Variants in MITD1 observed in about 807,000 individuals in gnomAD.
The protein encoded by MITD1 is MIT domain-containing protein 1.
In MITD1, 24 loss-of-function variants were observed where a neutral mutation model predicts 34.9. The observed-to-expected ratio is 0.69, with a 90% CI of 0.50 to 0.97. The LOEUF (loss-of-function observed/expected upper bound fraction) is 0.97, where lower values mean the gene tolerates loss of function less well. Among genes scored for constraint, MITD1 ranks in the 50% least tolerant of loss-of-function variants. The pLI is 0.00. For missense variants in MITD1, 266 were observed against 294.6 expected, an observed-to-expected ratio of 0.90 and a Z score of 0.71; for synonymous variants, 102 against 101.4, an observed-to-expected ratio of 1.01 and a Z score of -0.04.
At chr2:99,165,560 A>G (rs1305418696), downstream of MITD1, among the ~76,000 whole-genome samples, 1 of 152,208 alleles carries the variant, frequency 6.6e-6, no homozygotes, top group East Asian at 1.9e-4. Flanking sequence ...GACCGCATAT[A>G]AATAGTATTT....
chr2:99,168,218 C>T (rs1363624871), downstream of MITD1, among the ~76,000 whole-genome samples: 49 of 152,074 alleles, frequency 3.2e-4, no homozygotes, highest in Admixed American at 2.9e-3. Context: ...CTCCGCTCAC[C>T]GCAGCCTCCA....
At chr2:99,171,771 C>T (rs576202647) in intron 2 of MITD1, 125 bp from the exon 3 acceptor site, 1 of 856,594 alleles carries the variant, frequency 1.2e-6, no homozygotes, top group Non-Finnish European at 1.8e-6. Context: ...TCAGCAAATA[C>T]TTATTGAATG....
At chr2:99,172,575 T>TAAGGTTTTAAAAAAATATGA (rs2093864657) in intron 2 of MITD1, 1 of 151,732 alleles carries the variant, frequency 6.6e-6, no homozygotes, top group Non-Finnish European at 1.5e-5. Flanking sequence ...CAGAAACCTT[T>TAAGGTTTTAAAAAAATATGA]AAGGTTTTAA....
chr2:99,171,689 T>G, intron 2 of MITD1, 43 bp from the exon 3 acceptor site: 1 of 1,570,312 alleles, frequency 6.4e-7, no homozygotes, highest in Non-Finnish European at 8.6e-7. Context: ...TGACCATTTT[T>G]TTTTTACACA....
intron 1 of MITD1, among the ~76,000 whole-genome samples, chr2:99,179,948 T>C (rs959778856): frequency 6.6e-6 from 1 of 152,134 alleles, no homozygotes; most frequent in African/African-American, 2.4e-5. Context: ...ACTTTAATTA[T>C]AAGAAGCTTA....
At chr2:99,165,554 G>A (rs536976060), downstream of MITD1, among the ~76,000 whole-genome samples, 13 of 152,202 alleles carry the variant, frequency 8.5e-5, no homozygotes, top group South Asian at 2.1e-4. Context: ...AGGGCTGACC[G>A]CATATAAATA....
chr2:99,162,865 AG>A, intron 7 of MITD1: 1 of 1,612,712 alleles, frequency 6.2e-7, no homozygotes, highest in Non-Finnish European at 8.5e-7. Context: ...ATAGACATAA[AG>A]AATGGAAGAA....
intron 1 of MITD1, 128 bp from the exon 2 acceptor site, chr2:99,174,144 AAC>A (rs1382582999): frequency 4.6e-5 from 26 of 570,878 alleles, no homozygotes; most frequent in Non-Finnish European, 7.6e-5. Flanking sequence ...TCAGTCCTCA[AAC>A]ACACACAATA....
chr2:99,170,866 C>T (rs2093852633), intron 4 of MITD1: 2 of 346,330 alleles, frequency 5.8e-6, no homozygotes, highest in Non-Finnish European at 1.1e-5. Flanking sequence ...GAACATAACT[C>T]CATCCTGTCT....
chr2:99,175,895 G>A (rs2093884104), intron 1 of MITD1, among the ~76,000 whole-genome samples: 1 of 152,134 alleles, frequency 6.6e-6, no homozygotes, highest in East Asian at 1.9e-4. Context: ...CTTTTGTCAA[G>A]CCCGCATCGC....
Position 99,169,550 on chromosome 2 carries a change from C to T in MITD1, c.654G>A (p.Gln218=), listed in dbSNP as rs2093843947. The change falls in exon 6 of 7, where the codon CAG becomes CAA. Residue 218 remains glutamine, a splice_region_variant and synonymous_variant. Transcript: ENST00000289359. ...ATTTACTCATAAGATTATATCCTAC[C>T]TGTGGTTTCTTAAAATAATCAAGTC... ...GRGLDYFKKP[Q]SRFSLGYCDF... 1 of 1,608,276 alleles carries T rather than the reference C, an allele frequency of 6.2e-7. No individual in the cohort carries two copies. The highest frequency in any genetic ancestry group is 1.3e-5 in the African/African-American group (1 of 74,768).
chr2:99,179,517 GTCA>G (rs1229441624), intron 1 of MITD1, among the ~76,000 whole-genome samples: 1 of 152,180 alleles, frequency 6.6e-6, no homozygotes, highest in East Asian at 1.9e-4. Flanking sequence ...TGTTGTCACT[GTCA>G]TCATTATCAT....
At chr2:99,162,885 T>C in intron 7 of MITD1, 1 of 1,612,950 alleles carries the variant, frequency 6.2e-7, no homozygotes, top group South Asian at 1.1e-5. Flanking sequence ...AATTGAAATT[T>C]GTAATATTGA....
At chr2:99,162,665 T>A (rs2105201535) in intron 7 of MITD1, 1 of 1,614,156 alleles carries the variant, frequency 6.2e-7, no homozygotes, top group Non-Finnish European at 8.5e-7. Flanking sequence ...CAGAGTATGC[T>A]GCTTATCATC....
Position 99,171,448 on chromosome 2 carries a change from GATT to G in MITD1, c.391-22_391-20del. On this transcript the variant is annotated intron_variant, in intron 3 of 6. Coordinates refer to ENST00000289359, the MANE Select transcript of MITD1 (RefSeq NM_138798.3). ...TATACAGCTAAAAGACATTAGAATGGATTATTACTAATTTAGTACATTGAATAT... is the reference window on the plus strand; with the variant it reads ...TATACAGCTAAAAGACATTAGAATGGATTACTAATTTAGTACATTGAATAT... 1.3e-6 allele frequency: 2 copies of G among 1,596,058 alleles called. No individual in the cohort carries two copies. The highest frequency in any genetic ancestry group is 1.7e-6 in the Non-Finnish European group (2 of 1,164,064).
At chr2:99,180,773 A>G in intron 1 of MITD1, 58 bp downstream of exon 1, 1 of 1,453,330 alleles carries the variant, frequency 6.9e-7, no homozygotes, top group South Asian at 1.2e-5. Flanking sequence ...TTCACCCCAG[A>G]CACAGCAGGA....
chr2:99,162,814 A>C, intron 7 of MITD1: 1 of 1,614,150 alleles, frequency 6.2e-7, no homozygotes, highest in Non-Finnish European at 8.5e-7. Context: ...ACTTCCTTTC[A>C]TGTGTTATAT....
chr2:99,166,190 A>T (rs1429320124), downstream of MITD1, among the ~76,000 whole-genome samples: 2 of 138,324 alleles, frequency 1.4e-5, no homozygotes, highest in African/African-American at 2.6e-5. Flanking sequence ...AGTGTGAATT[A>T]AAAAAAAAAA....
chr2:99,170,548 G>A lies in MITD1; in HGVS notation c.582C>T (p.Asp194=). 6.6e-7 allele frequency: 1 copy of A among 1,514,740 alleles called. No homozygotes were observed. Among genetic ancestry groups the A allele is most frequent in the Non-Finnish European group, 9.1e-7 (1 of 1,097,226 alleles). The allele number at this position is 1,514,740 out of a possible 1,614,324, so 93.8% of individuals were successfully genotyped here. A position where few individuals can be genotyped will look rare whatever the true frequency, so the allele number is the denominator to read the frequency against. The change falls in exon 5 of 7, where the codon GAC becomes GAT. Residue 194 remains aspartate (D), a synonymous_variant. Coordinates refer to ENST00000289359, the MANE Select transcript of MITD1 (RefSeq NM_138798.3). ...LEVQYSSSIH[D]REIRFNNGWM... ...TATTGTAGACTAACCTAATTTCTCG[G>A]TCATGTATTGAAGAAGAGTATTGAA...
Sources: gnomAD v4.1 joint callset for allele counts (sites outside exome capture counted in the v4.1 genomes callset) on GRCh38, gnomAD v4.1.1 for gene constraint, MANE v1.5 for transcripts, NCBI Gene and HGNC (gene_info 2026-07-23, HGNC 2026-07-21) for gene names.